The following RORA variants were observed in gnomAD, a reference collection of about 807,000 sequenced individuals.
RORA encodes the protein nuclear receptor ROR-alpha.
In RORA, 7 loss-of-function variants were observed where a neutral mutation model predicts 69.5. The observed-to-expected ratio is 0.10, with a 90% confidence interval of 0.06 to 0.19. The LOEUF (loss-of-function observed/expected upper bound fraction) is 0.19, where lower values mean the gene tolerates loss of function less well. Among genes scored for constraint, RORA ranks in the 10% least tolerant of loss-of-function variants. The pLI is 1.00. For missense variants in RORA, 457 were observed against 663.0 expected (o/e 0.69, Z 3.41); for synonymous variants, 261 against 240.8 (o/e 1.08, Z -0.78).
intron 2 of RORA, chr15:60,615,081 C>T: frequency 1.3e-6 from 2 of 1,584,328 alleles, no homozygotes; most frequent in Non-Finnish European, 1.7e-6. Context: ...TTTCTGCTTC[C>T]TAGAACCTGG....
At chr15:60,554,444 G>T (rs570865265) in intron 2 of RORA, among the ~76,000 whole-genome samples, 1 of 152,214 alleles carries the variant, frequency 6.6e-6, no homozygotes, top group African/African-American at 2.4e-5. Flanking sequence ...CTCCAAGAAA[G>T]ACAAGACTGT....
intron 1 of RORA, among the ~76,000 whole-genome samples, chr15:60,683,963 A>C (rs1472618999): frequency 6.6e-6 from 1 of 152,212 alleles, no homozygotes; most frequent in East Asian, 1.9e-4. Context: ...CCCAGAACAG[A>C]GCACTTCAGG....
At chr15:60,844,053 C>A (rs2073234670) in intron 1 of RORA, among the ~76,000 whole-genome samples, 2 of 152,104 alleles carry the variant, frequency 1.3e-5, no homozygotes, top group Non-Finnish European at 1.5e-5. Context: ...ACTGGCAAAC[C>A]TGCACTTGAC....
At chr15:60,893,539 C>A (rs1284846762) in intron 1 of RORA, among the ~76,000 whole-genome samples, 1 of 152,090 alleles carries the variant, frequency 6.6e-6, no homozygotes. Flanking sequence ...TCAAAGCAGC[C>A]GATATGCAGT....
At chr15:60,619,233 G>A (rs573478988) in intron 2 of RORA, among the ~76,000 whole-genome samples, 3 of 152,336 alleles carry the variant, frequency 2.0e-5, no homozygotes, top group African/African-American at 7.2e-5. Context: ...GTAACGAAAT[G>A]ACTACAAAAA....
intron 1 of RORA, among the ~76,000 whole-genome samples, chr15:60,926,952 G>T (rs563269676): frequency 1.3e-5 from 2 of 152,314 alleles, no homozygotes; most frequent in South Asian, 4.1e-4. Flanking sequence ...GAGATTTGGG[G>T]TAAATTTTCC....
Position 61,166,912 on chromosome 15 carries a change from C to A in RORA, c.166+62141G>T, listed in dbSNP as rs62007609. ...TTAGATTACTTTTCCCCATCCTCAT[C>A]CCCACAACCTACTCACCAACAATTA... On this transcript the variant is annotated intron_variant, in intron 1 of 10. Coordinates refer to ENST00000335670, the MANE Select transcript of RORA (RefSeq NM_134261.3). 8.7e-3 allele frequency among the ~76,000 whole-genome samples: 1,322 copies of A among 152,288 alleles called. 6 individuals are homozygous for A. The highest frequency in any genetic ancestry group is 0.017 in the Middle Eastern group (5 of 294).
intron 2 of RORA, among the ~76,000 whole-genome samples, chr15:60,629,770 T>C (rs1018248102): frequency 2.6e-5 from 4 of 152,194 alleles, no homozygotes; most frequent in Non-Finnish European, 4.4e-5. Context: ...CCAGTGATTT[T>C]CCATCTTGGA....
chr15:60,752,089 T>TA (rs34235439), intron 1 of RORA, among the ~76,000 whole-genome samples: 11,242 of 147,058 alleles, frequency 0.076, 483 homozygotes, highest in Admixed American at 0.12. Flanking sequence ...TTTGACTTGC[T>TA]AAAAAAAAAA....
chr15:60,825,954 C>A (rs1309446338), intron 1 of RORA, among the ~76,000 whole-genome samples: 2 of 152,192 alleles, frequency 1.3e-5, no homozygotes, highest in African/African-American at 4.8e-5. Flanking sequence ...TTCCTTTGGG[C>A]TTCAAAGCCC....
At chr15:60,912,132 C>T (rs1158283096) in intron 1 of RORA, among the ~76,000 whole-genome samples, 4 of 152,090 alleles carry the variant, frequency 2.6e-5, no homozygotes, top group Admixed American at 6.6e-5. Flanking sequence ...TGAACCAGAC[C>T]AGGTGCAGTG....
In RORA at chr15:60,878,170, C is replaced by CAAAAAA. The variant is rs11362081; in HGVS notation, c.167-199490_167-199485dup. On this transcript the variant is annotated intron_variant, in intron 1 of 10. Coordinates refer to ENST00000335670, the MANE Select transcript of RORA (RefSeq NM_134261.3). ...TGAAACCCTGCTTCTACTAAAAATACAAAAAAAAAAAAAAAAAAAAAAAAT... is the reference window on the plus strand; with the variant it reads ...TGAAACCCTGCTTCTACTAAAAATACAAAAAAAAAAAAAAAAAAAAAAAAAAAAAAT... Among the ~76,000 whole-genome samples the CAAAAAA allele has an allele frequency of 9.0e-4, 63 of 69,686 alleles. 1 individual carries two copies. The highest frequency in any genetic ancestry group is 7.9e-3 in the East Asian group (16 of 2,038). 45.7% of individuals were successfully genotyped at this position (69,686 alleles called of 152,430 possible). A position where few individuals can be genotyped will look rare whatever the true frequency, so the allele number is the denominator to read the frequency against.
At chr15:61,027,856 G>T (rs1895913973) in intron 1 of RORA, among the ~76,000 whole-genome samples, 1 of 152,152 alleles carries the variant, frequency 6.6e-6, no homozygotes, top group African/African-American at 2.4e-5. Context: ...AACAGGCAAT[G>T]TCTATCTCCC....
intron 1 of RORA, among the ~76,000 whole-genome samples, chr15:61,219,588 A>G (rs2080075892): frequency 6.6e-6 from 1 of 152,166 alleles, no homozygotes; most frequent in Non-Finnish European, 1.5e-5. Flanking sequence ...ATTTAAAAAA[A>G]AAAAAATCCT....
chr15:61,072,661 ACT>A (rs2078384384), intron 1 of RORA, among the ~76,000 whole-genome samples: 1 of 152,196 alleles, frequency 6.6e-6, no homozygotes, highest in African/African-American at 2.4e-5. Context: ...TGTGAGCTAC[ACT>A]GTTTTTATTT....
At chr15:60,726,645 C>T (rs934138797) in intron 1 of RORA, among the ~76,000 whole-genome samples, 2 of 152,200 alleles carry the variant, frequency 1.3e-5, no homozygotes, top group African/African-American at 2.4e-5. Flanking sequence ...CCTACAGCCT[C>T]GTCTGCATGT....
At chr15:61,038,701 C>T (rs1225011499) in intron 1 of RORA, 1 of 152,240 alleles carries the variant, frequency 6.6e-6, no homozygotes, top group Admixed American at 6.5e-5. Flanking sequence ...TCAAAATACA[C>T]TGTGGTAGCG....
intron 1 of RORA, among the ~76,000 whole-genome samples, chr15:60,994,610 C>G (rs1255668161): frequency 6.6e-6 from 1 of 152,194 alleles, no homozygotes; most frequent in African/African-American, 2.4e-5. Flanking sequence ...AAGGAGAAAT[C>G]CTGTCCTCCT....
intron 1 of RORA, among the ~76,000 whole-genome samples, chr15:61,091,906 A>C (rs980603001): frequency 6.6e-6 from 1 of 152,220 alleles, no homozygotes; most frequent in Admixed American, 6.5e-5. Context: ...TTGTTTCTAC[A>C]ATGGCATATG....
Sources: gnomAD v4.1 joint callset for allele counts (sites outside exome capture counted in the v4.1 genomes callset) on GRCh38, gnomAD v4.1.1 for gene constraint, MANE v1.5 for transcripts, NCBI Gene and HGNC (gene_info 2026-07-23, HGNC 2026-07-21) for gene names.